CRACDL: variants seen among roughly 807,000 people sequenced by gnomAD.
CRACDL encodes CRACD like, also known as CRACD-like protein.
Under a neutral mutation model 70.6 loss-of-function variants are expected in CRACDL, and 26 were observed. The observed-to-expected ratio is 0.37, with a 90% CI of 0.27 to 0.51. CRACDL has a LOEUF of 0.51. Ranked by LOEUF, CRACDL falls within the 20% of genes least tolerant of loss-of-function variation. CRACDL has a pLI of 0.94. For missense variants in CRACDL, 1,283 were observed against 1,376.9 expected (o/e 0.93, Z 1.08); for synonymous variants, 618 against 615.2 (o/e 1.00, Z -0.07).
Position 98,822,852 on chromosome 2 carries a change from G to A in CRACDL, c.1421C>T (p.Thr474Ile). The change falls in exon 7 of 10, where the codon ACC becomes ATC. Residue 474 changes from threonine to isoleucine, a missense_variant. Thr to Ile is a moderately conservative substitution (Grantham distance 89, BLOSUM62 -1). Transcript: ENST00000397899. This position sits in a 1 kb window ranked among gnomAD's most constrained non-coding sequence, Gnocchi z 4.9. ...AETEPERGAGTEPERIGTEPS... is the reference protein window; with the variant it reads ...AETEPERGAGIEPERIGTEPS... ...CTCGGTCCCAATTCTCTCGGGCTCGGTCCCCGCTCCTCTCTCGGGCTCCGT... is the reference window on the plus strand; with the variant it reads ...CTCGGTCCCAATTCTCTCGGGCTCGATCCCCGCTCCTCTCTCGGGCTCCGT... 1 of 1,456,490 alleles carries A rather than the reference G, an allele frequency of 6.9e-7. No individual in the cohort carries two copies. The highest frequency in any genetic ancestry group is 1.4e-5 in the South Asian group (1 of 70,970). 90.2% of individuals were successfully genotyped at this position (1,456,490 alleles called of 1,614,324 possible). A position where few individuals can be genotyped will look rare whatever the true frequency, so the allele number is the denominator to read the frequency against.
chr2:98,821,785 T>C, intron 7 of CRACDL, 72 bp downstream of exon 7: 1 of 1,549,316 alleles, frequency 6.5e-7, no homozygotes, highest in South Asian at 1.2e-5. Flanking sequence ...TTGGCGAGTG[T>C]CCAGCAAGAT....
intron 2 of CRACDL, among the ~76,000 whole-genome samples, chr2:98,846,227 T>C (rs991359350): frequency 3.3e-5 from 5 of 152,184 alleles, no homozygotes; most frequent in African/African-American, 1.2e-4. Context: ...TCTTATGAGA[T>C]GGTGATTCAT....
intron 1 of CRACDL, among the ~76,000 whole-genome samples, chr2:98,871,910 G>A (rs1707359224): frequency 6.6e-6 from 1 of 152,180 alleles, no homozygotes; most frequent in African/African-American, 2.4e-5. Flanking sequence ...CAAAGTCAGG[G>A]AATCAACCTG....
intron 1 of CRACDL, among the ~76,000 whole-genome samples, chr2:98,891,372 G>A (rs943449495): frequency 5.9e-4 from 23 of 38,974 alleles, no homozygotes; most frequent in South Asian, 2.0e-3. Context: ...GGGAGACTCC[G>A]TCTCAAAAAA....
chr2:98,929,122 C>A (rs1460168078), intron 1 of CRACDL, among the ~76,000 whole-genome samples: 1 of 152,218 alleles, frequency 6.6e-6, no homozygotes, highest in Non-Finnish European at 1.5e-5. Context: ...GTTCTTAATA[C>A]CCCTCCTTAG....
chr2:98,919,903 C>T (rs1005681561), intron 1 of CRACDL, among the ~76,000 whole-genome samples: 27 of 152,138 alleles, frequency 1.8e-4, no homozygotes, highest in African/African-American at 6.5e-4. Flanking sequence ...CAGGTATGCA[C>T]CACCACATCT....
intron 1 of CRACDL, among the ~76,000 whole-genome samples, chr2:98,929,657 T>C (rs1244926915): frequency 6.6e-6 from 1 of 152,168 alleles, no homozygotes; most frequent in African/African-American, 2.4e-5. Context: ...GATGGGATGA[T>C]GGCTTCACAA....
chr2:98,890,263 T>C (rs1477060047), intron 1 of CRACDL, among the ~76,000 whole-genome samples: 4 of 152,220 alleles, frequency 2.6e-5, no homozygotes, highest in Admixed American at 1.3e-4. Context: ...TTAGTTAGAC[T>C]GACCAAGAAG....
chr2:98,829,547 C>T (rs1705451371), intron 5 of CRACDL, among the ~76,000 whole-genome samples: 1 of 152,168 alleles, frequency 6.6e-6, no homozygotes, highest in African/African-American at 2.4e-5. Context: ...TGGCAGCATC[C>T]AGAACATTCA....
chr2:98,796,250 T>G lies in CRACDL; in HGVS notation c.2619A>C (p.Gln873His). ...VPERGQEPVK[Q>H]ADFVRSKSFL... ...AAGACTTGCTGCGAACAAAGTCAGC[T>G]TGCTTCACAGGCTCCTGTTGGGACA... The change falls in exon 9 of 10, where the codon CAA (glutamine) becomes CAC (histidine). Residue 873 changes from glutamine to histidine, a missense_variant. Transcript: ENST00000397899. The G allele has an allele frequency of 6.2e-7, 1 of 1,614,140 alleles. No homozygotes were observed. Among genetic ancestry groups the G allele is most frequent in the Non-Finnish European group, 8.5e-7 (1 of 1,179,928 alleles).
At chr2:98,827,852 T>C (rs1424629500) in intron 5 of CRACDL, among the ~76,000 whole-genome samples, 2 of 152,134 alleles carry the variant, frequency 1.3e-5, no homozygotes, top group Non-Finnish European at 2.9e-5. Context: ...CTCTGGAAGC[T>C]GAGGGGAAGG....
chr2:98,924,330 G>T (rs1295707982), intron 1 of CRACDL, among the ~76,000 whole-genome samples: 3 of 152,156 alleles, frequency 2.0e-5, no homozygotes, highest in Non-Finnish European at 4.4e-5. Flanking sequence ...CCCCACCTTG[G>T]TCTCCTGGGC....
At chr2:98,824,056 C>T (rs1209548492) in intron 6 of CRACDL, among the ~76,000 whole-genome samples, 1 of 152,216 alleles carries the variant, frequency 6.6e-6, no homozygotes, top group African/African-American at 2.4e-5. Context: ...GTCAACACTT[C>T]AGGAATGTAC....
At chr2:98,849,392 T>C (rs1706389487) in intron 1 of CRACDL, among the ~76,000 whole-genome samples, 1 of 151,966 alleles carries the variant, frequency 6.6e-6, no homozygotes. Flanking sequence ...ACAAGGTGAG[T>C]GCCAGAGGTG....
intron 1 of CRACDL, among the ~76,000 whole-genome samples, chr2:98,889,144 A>G (rs563902901): frequency 6.7e-5 from 10 of 149,754 alleles, no homozygotes; most frequent in African/African-American, 2.0e-4. Flanking sequence ...AGGGGGGGGA[A>G]GAAAAGAAAA....
intron 7 of CRACDL, among the ~76,000 whole-genome samples, chr2:98,808,238 C>T (rs1046873901): frequency 2.6e-5 from 4 of 152,192 alleles, no homozygotes; most frequent in African/African-American, 9.7e-5. Context: ...ATAAGCACTC[C>T]TAAGTTTGAG....
chr2:98,795,077 A>ATATATATATTTTTTTTTTTTTTTT, intron 9 of CRACDL, among the ~76,000 whole-genome samples: 1 of 58,490 alleles, frequency 1.7e-5, no homozygotes, highest in Non-Finnish European at 3.1e-5. Flanking sequence ...ATATATATAT[A>ATATATATATTTTTTTTTTTTTTTT]TTTTTTTTTT....
At chr2:98,850,001 G>A (rs1706417947) in intron 1 of CRACDL, among the ~76,000 whole-genome samples, 1 of 152,196 alleles carries the variant, frequency 6.6e-6, no homozygotes, top group East Asian at 1.9e-4. Flanking sequence ...CCTGCTGTCG[G>A]TTTCTGCAGC....
chr2:98,864,292 G>A (rs187483498), intron 1 of CRACDL, among the ~76,000 whole-genome samples: 90 of 152,286 alleles, frequency 5.9e-4, no homozygotes, highest in African/African-American at 2.1e-3. Context: ...TAACCTAAGT[G>A]AAAGAAGGCA....
Sources: allele counts gnomAD v4.1 joint callset (sites outside exome capture counted in the v4.1 genomes callset), GRCh38; gene constraint gnomAD v4.1.1; non-coding constraint Gnocchi (gnomAD v3.1); transcripts MANE v1.5; gene names NCBI Gene and HGNC (gene_info 2026-07-23, HGNC 2026-07-21).